The following CCDC197 variants were observed in gnomAD, a reference collection of about 807,000 sequenced individuals.
The protein encoded by CCDC197 is uncharacterized protein CCDC197.
Under a neutral mutation model 13.4 loss-of-function variants are expected in CCDC197, and 24 were observed. That is an observed-to-expected ratio of 1.80 (90% CI 1.30 to 2.53). The LOEUF is 2.53. Among genes scored for constraint, CCDC197 ranks in the 30% most tolerant of loss-of-function variants. The probability of loss-of-function intolerance (pLI) is 0.00; values close to 1 mark genes in which losing one functional copy is unlikely to be tolerated. For synonymous variants in CCDC197, 99 were observed against 55.5 expected, an observed-to-expected ratio of 1.78 and a Z score of -3.48; for missense variants, 255 against 148.8, an observed-to-expected ratio of 1.71 and a Z score of -3.71.
chr14:94,003,943 C>T lies in CCDC197; in HGVS notation c.498+589C>T, dbSNP rs926968208. 4.6e-5 allele frequency among the ~76,000 whole-genome samples: 7 copies of T among 152,144 alleles called. No individual in the cohort carries two copies. Among genetic ancestry groups the T allele is most frequent in the African/African-American group, 7.2e-5 (3 of 41,420 alleles). ...ATGTTTGTGGTTAATAATAAGATAACGGTGTTTAAGTGAGTGGTTGTTATG... is the reference window on the plus strand; with the variant it reads ...ATGTTTGTGGTTAATAATAAGATAATGGTGTTTAAGTGAGTGGTTGTTATG... On this transcript the variant is annotated intron_variant, in intron 5 of 6. Coordinates refer to ENST00000636493, the MANE Select transcript of CCDC197 (RefSeq NM_001351596.2). The surrounding 1 kb of genome is among the most constrained non-coding windows in gnomAD (Gnocchi z 5.0).
chr14:94,009,095 G>A (rs1890766777), downstream of CCDC197, among the ~76,000 whole-genome samples: 1 of 152,230 alleles, frequency 6.6e-6, no homozygotes, highest in South Asian at 2.1e-4. Context: ...TCCCTCCTGG[G>A]AGCCGGGGCT....
intron 4 of CCDC197, chr14:94,001,818 G>A (rs901011387): frequency 6.5e-6 from 1 of 152,992 alleles, no homozygotes; most frequent in Non-Finnish European, 1.5e-5. Flanking sequence ...CCAGGTGGAA[G>A]AGCCTGCCCT....
chr14:93,998,007 G>A lies in CCDC197; in HGVS notation c.-125G>A. 1.5e-6 allele frequency: 1 copy of A among 657,956 alleles called. No homozygotes were observed. 40.8% of individuals were successfully genotyped at this position (657,956 alleles called of 1,614,324 possible). A position where few individuals can be genotyped will look rare whatever the true frequency, so the allele number is the denominator to read the frequency against. ...GTCTCCTTTTCTGTGAGGTGGGGATGCTAACCCTGGCTTCCAAGGATCTGA... is the reference window on the plus strand; with the variant it reads ...GTCTCCTTTTCTGTGAGGTGGGGATACTAACCCTGGCTTCCAAGGATCTGA... On this transcript the variant is annotated 5_prime_UTR_variant, in exon 2 of 7. It removes an upstream start codon present in the reference 5' UTR. Coordinates refer to ENST00000636493, the MANE Select transcript of CCDC197 (RefSeq NM_001351596.2).
intron 3 of CCDC197, 128 bp downstream of exon 3, chr14:93,999,793 C>T (rs1890437527): frequency 1.5e-6 from 1 of 665,404 alleles, no homozygotes; most frequent in Non-Finnish European, 2.7e-6. Context: ...TCCACAAAGG[C>T]CAACCCCACA....
chr14:93,998,376 G>A (rs1370981526), intron 2 of CCDC197, 141 bp downstream of exon 2: 1 of 650,652 alleles, frequency 1.5e-6, no homozygotes, highest in Non-Finnish European at 2.8e-6. Flanking sequence ...GAAGCAAATG[G>A]GCGGGGTGGG....
At chr14:93,997,660 G>A (rs1226941360) in intron 1 of CCDC197, 89 bp downstream of exon 1, 1 of 159,502 alleles carries the variant, frequency 6.3e-6, no homozygotes, top group African/African-American at 2.4e-5. Flanking sequence ...TGATGATGAA[G>A]CTGCCTCCTC....
At chr14:93,992,015 A>T (rs1890220983) in intron 1 of CCDC197, among the ~76,000 whole-genome samples, 1 of 152,252 alleles carries the variant, frequency 6.6e-6, no homozygotes, top group Non-Finnish European at 1.5e-5. Context: ...TTAAGTCTTC[A>T]GGCATTTTGC....
chr14:94,002,858 A>AG (rs1890565024), intron 4 of CCDC197, among the ~76,000 whole-genome samples: 1 of 151,688 alleles, frequency 6.6e-6, no homozygotes, highest in African/African-American at 2.4e-5. Flanking sequence ...TCTCAAAAAA[A>AG]AAAAAAAAAC....
chr14:93,987,461 A>G (rs1475718532), intron 1 of CCDC197: 1 of 152,614 alleles, frequency 6.6e-6, no homozygotes, highest in Non-Finnish European at 1.5e-5. Flanking sequence ...GCCCCAGACG[A>G]CTTGCGCAGC....
intron 1 of CCDC197, chr14:93,987,405 A>G (rs915164384): frequency 3.9e-5 from 6 of 152,308 alleles, no homozygotes; most frequent in African/African-American, 1.4e-4. Context: ...AGGTGACTGC[A>G]TTTTGCCAGA....
In CCDC197 at chr14:94,003,389, G is replaced by C. The variant is rs1366106824; in HGVS notation, c.498+35G>C. ...GTCTTTCAGCCTGGGGGTGGGGTTAGGGGTGGGGAAGGGGAAGCTGATGTC... is the reference window on the plus strand; with the variant it reads ...GTCTTTCAGCCTGGGGGTGGGGTTACGGGTGGGGAAGGGGAAGCTGATGTC... On this transcript the variant is annotated intron_variant, in intron 5 of 6. Coordinates refer to ENST00000636493, the MANE Select transcript of CCDC197 (RefSeq NM_001351596.2). This position sits in a 1 kb window ranked among gnomAD's most constrained non-coding sequence, Gnocchi z 5.0. 1 of 701,634 alleles carries C rather than the reference G, an allele frequency of 1.4e-6. No homozygotes were observed. Among genetic ancestry groups the C allele is most frequent in the Admixed American group, 2.0e-5 (1 of 49,658 alleles). The allele number at this position is 701,634 out of a possible 1,614,324, so 43.5% of individuals were successfully genotyped here.
At chr14:93,990,985 C>T (rs1331274284) in intron 1 of CCDC197, among the ~76,000 whole-genome samples, 1 of 152,146 alleles carries the variant, frequency 6.6e-6, no homozygotes, top group Non-Finnish European at 1.5e-5. Flanking sequence ...TGCCCAAGGC[C>T]AGGCAGCTCA....
In CCDC197 at chr14:93,999,178, G is replaced by T. The variant is rs192577562; in HGVS notation, c.105-405G>T. 2.0e-5 allele frequency among the ~76,000 whole-genome samples: 3 copies of T among 152,294 alleles called. No individual in the cohort carries two copies. In the East Asian group the frequency reaches 5.8e-4, roughly 29 times the overall value. ...GCCAGCAGCTCACATCATCCCTGCTGTAGATGGGCAACCCGGGCACAGAGA... is the reference window on the plus strand; with the variant it reads ...GCCAGCAGCTCACATCATCCCTGCTTTAGATGGGCAACCCGGGCACAGAGA... On this transcript the variant is annotated intron_variant, in intron 2 of 6. Coordinates refer to ENST00000636493, the MANE Select transcript of CCDC197 (RefSeq NM_001351596.2).
At chr14:93,989,198 C>T (rs1289426833) in intron 1 of CCDC197, among the ~76,000 whole-genome samples, 1 of 152,016 alleles carries the variant, frequency 6.6e-6, no homozygotes, top group African/African-American at 2.4e-5. Context: ...TGCCGCAGAC[C>T]CTAGGGAGTT....
intron 2 of CCDC197, 81 bp from the exon 3 acceptor site, chr14:93,999,502 G>C: frequency 1.3e-6 from 1 of 762,362 alleles, no homozygotes; most frequent in Non-Finnish European, 2.4e-6. Flanking sequence ...GGAGATCACA[G>C]AGGGTGGTCC....
chr14:94,000,943 C>G, intron 3 of CCDC197: 2 of 392,650 alleles, frequency 5.1e-6, no homozygotes, highest in Non-Finnish European at 8.5e-6. Flanking sequence ...TGAGGATTCC[C>G]TTGAAGTGGA....
upstream of CCDC197, among the ~76,000 whole-genome samples, chr14:93,996,406 G>GTCAGGGACT (rs1890307598): frequency 7.2e-5 from 11 of 152,012 alleles, no homozygotes; most frequent in African/African-American, 2.7e-4. Flanking sequence ...CCCTGCCCCT[G>GTCAGGGACT]CCCCTGAGCC....
intron 2 of CCDC197, chr14:93,999,346 T>C: frequency 2.0e-6 from 1 of 507,004 alleles, no homozygotes; most frequent in Non-Finnish European, 3.5e-6. Context: ...GATACCTTCT[T>C]TGCTGCCTGG....
Position 93,998,196 on chromosome 14 carries a change from T to C in CCDC197, c.65T>C (p.Leu22Pro), listed in dbSNP as rs867664651. 2 of 780,692 alleles carry C rather than the reference T, an allele frequency of 2.6e-6. No individual in the cohort carries two copies. The highest frequency in any genetic ancestry group is 4.5e-4 in the Middle Eastern group (2 of 4,418). The allele number at this position is 780,692 out of a possible 1,614,324, so 48.4% of individuals were successfully genotyped here. A position where few individuals can be genotyped will look rare whatever the true frequency, so the allele number is the denominator to read the frequency against. Reference protein sequence around the residue: ...PSNPGDKEGDLQGLWQELYQL... With the variant: ...PSNPGDKEGDPQGLWQELYQL... ...AATCCTGGTGACAAGGAAGGGGACC[T>C]TCAAGGGCTGTGGCAGGAACTCTAC... The change falls in exon 2 of 7, where the codon CTT becomes CCT. Residue 22 changes from leucine to proline, a missense_variant. Transcript: ENST00000636493.
Sources: gnomAD v4.1 joint callset for allele counts (sites outside exome capture counted in the v4.1 genomes callset) on GRCh38, gnomAD v4.1.1 for gene constraint, Gnocchi (gnomAD v3.1) non-coding constraint, MANE v1.5 for transcripts, NCBI Gene and HGNC (gene_info 2026-07-23, HGNC 2026-07-21) for gene names.